The following ACYP2 variants were observed in gnomAD, a reference collection of about 807,000 sequenced individuals.
ACYP2 encodes acylphosphatase 2.
A neutral mutation model predicts 11.2 loss-of-function variants in ACYP2; 12 were observed. The observed-to-expected ratio is 1.08, with a 90% CI of 0.69 to 1.74. The LOEUF (loss-of-function observed/expected upper bound fraction) is 1.74, where lower values mean the gene tolerates loss of function less well. ACYP2 is among the 40% of genes most tolerant of loss of function. The probability of loss-of-function intolerance (pLI) is 0.00; values close to 1 mark genes in which losing one functional copy is unlikely to be tolerated. For missense variants in ACYP2, 134 were observed against 101.9 expected (o/e 1.31, Z -1.35); for synonymous variants, 43 against 32.2 (o/e 1.33, Z -1.13).
intron 4 of ACYP2, among the ~76,000 whole-genome samples, chr2:54,083,060 T>G (rs1677749769): frequency 6.8e-6 from 1 of 147,468 alleles, no homozygotes; most frequent in African/African-American, 2.6e-5. Flanking sequence ...GGCCACAGAG[T>G]GAGACTCTGT....
Position 54,170,288 on chromosome 2 carries a change from G to A in ACYP2, c.404+31540G>A, listed in dbSNP as rs539542079. 2.4e-4 allele frequency among the ~76,000 whole-genome samples: 37 copies of A among 152,234 alleles called. No individual in the cohort carries two copies. In the South Asian group the frequency reaches 4.8e-3, roughly 20 times the overall value. ...CTGCCTCAGCCTCCCGAGTAGCTGG[G>A]ATTACAGGTGTGTGTCACCATGCCT... On this transcript the variant is annotated intron_variant, in intron 6 of 6. Coordinates refer to ENST00000607452, the MANE Select transcript of ACYP2 (RefSeq NM_001320586.2).
intron 6 of ACYP2, among the ~76,000 whole-genome samples, chr2:54,292,739 C>T (rs543028568): frequency 1.3e-5 from 2 of 151,998 alleles, no homozygotes; most frequent in South Asian, 4.2e-4. Context: ...CTCCTTTGAA[C>T]TGGACTTAAC....
intron 2 of ACYP2, among the ~76,000 whole-genome samples, chr2:54,018,478 G>T (rs904060587): frequency 5.3e-4 from 80 of 151,768 alleles, no homozygotes; most frequent in African/African-American, 1.9e-3. Flanking sequence ...TCAATTAATT[G>T]TTGCCAGATG....
intron 2 of ACYP2, among the ~76,000 whole-genome samples, chr2:54,011,083 A>T (rs530899373): frequency 6.6e-6 from 1 of 152,272 alleles, no homozygotes; most frequent in East Asian, 1.9e-4. Flanking sequence ...AGTTGTAACA[A>T]AGTAAAATAA....
chr2:54,044,080 C>G (rs899557058), intron 2 of ACYP2, among the ~76,000 whole-genome samples: 1 of 152,168 alleles, frequency 6.6e-6, no homozygotes, highest in Admixed American at 6.5e-5. Flanking sequence ...GATCTCTCTT[C>G]TAGATCTCCA....
intron 6 of ACYP2, among the ~76,000 whole-genome samples, chr2:54,286,635 T>C (rs186629047): frequency 2.0e-4 from 30 of 152,212 alleles, no homozygotes; most frequent in Middle Eastern, 3.4e-3. Context: ...AACAGATAAC[T>C]TTTCTAGAAT....
chr2:54,256,825 G>GTT (rs1305621506), intron 6 of ACYP2, among the ~76,000 whole-genome samples: 2 of 152,082 alleles, frequency 1.3e-5, no homozygotes, highest in East Asian at 3.9e-4. Flanking sequence ...TGTTTGTTTT[G>GTT]TTTTGTTTTG....
chr2:54,151,343 C>A (rs1682160150), intron 6 of ACYP2, among the ~76,000 whole-genome samples: 1 of 152,174 alleles, frequency 6.6e-6, no homozygotes, highest in Non-Finnish European at 1.5e-5. Context: ...AATAACTTTT[C>A]TCCAGCAGAC....
chr2:54,084,993 T>G (rs2103671584), intron 4 of ACYP2: 1 of 152,264 alleles, frequency 6.6e-6, no homozygotes, highest in African/African-American at 2.4e-5. Context: ...AGGTGAGGCG[T>G]GGGGAATGTT....
chr2:54,173,427 A>G (rs1271799439), intron 6 of ACYP2, among the ~76,000 whole-genome samples: 1 of 152,092 alleles, frequency 6.6e-6, no homozygotes, highest in African/African-American at 2.4e-5. Context: ...AGTTCTTTGT[A>G]GATTCTGGAT....
chr2:54,020,224 A>G (rs1401708480), intron 2 of ACYP2, among the ~76,000 whole-genome samples: 2 of 152,236 alleles, frequency 1.3e-5, no homozygotes, highest in Non-Finnish European at 2.9e-5. Flanking sequence ...GGCGTGAGCC[A>G]CCGTGCCTGG....
At position 54,021,261 on chromosome 2, in the gene ACYP2, A is replaced by T. The variant is rs766943865; in HGVS notation, c.63-29697A>T. 9.2e-5 allele frequency among the ~76,000 whole-genome samples: 14 copies of T among 152,198 alleles called. 1 individual carries two copies. The highest frequency in any genetic ancestry group is 1.8e-4 in the Non-Finnish European group (12 of 68,040). On this transcript the variant is annotated intron_variant, in intron 2 of 6. Coordinates refer to ENST00000607452, the MANE Select transcript of ACYP2 (RefSeq NM_001320586.2). ...AGCAGCTGACCATGGGTGACTCAGGATGGAGCAGGTGACCAGGGGAATAGA... is the reference window on the plus strand; with the variant it reads ...AGCAGCTGACCATGGGTGACTCAGGTTGGAGCAGGTGACCAGGGGAATAGA...
At chr2:54,231,875 G>A (rs150219578) in intron 6 of ACYP2, among the ~76,000 whole-genome samples, 1 of 152,266 alleles carries the variant, frequency 6.6e-6, no homozygotes, top group African/African-American at 2.4e-5. Flanking sequence ...CATATCGGGC[G>A]CTGTACTAAG....
Position 54,103,166 on chromosome 2 carries a change from A to G in ACYP2, c.278-32287A>G, listed in dbSNP as rs561616032. Reference sequence around the variant, plus strand: ...CAGCAAAAGAAAAAATTTATATTACAAGTATCATCAGCTCTCCCACAACCA... The same window carrying G: ...CAGCAAAAGAAAAAATTTATATTACGAGTATCATCAGCTCTCCCACAACCA... On this transcript the variant is annotated intron_variant, in intron 4 of 6. Coordinates refer to ENST00000607452, the MANE Select transcript of ACYP2 (RefSeq NM_001320586.2). Among the ~76,000 whole-genome samples, 3 of 152,306 alleles carry G rather than the reference A, an allele frequency of 2.0e-5. No individual in the cohort carries two copies. In the East Asian group the frequency reaches 5.8e-4, roughly 29 times the overall value.
chr2:54,123,669 G>A (rs201855017), intron 4 of ACYP2, among the ~76,000 whole-genome samples: 1 of 151,880 alleles, frequency 6.6e-6, no homozygotes, highest in East Asian at 1.9e-4. Context: ...AGTGCCTCAG[G>A]GAAGTCAGGG....
chr2:54,148,247 G>A (rs902262269), intron 6 of ACYP2, among the ~76,000 whole-genome samples: 2 of 151,870 alleles, frequency 1.3e-5, no homozygotes, highest in Non-Finnish European at 2.9e-5. Flanking sequence ...GTTTTTTGAT[G>A]CCCTGAAAAA....
Position 54,088,553 on chromosome 2 carries a change from G to T in ACYP2, c.277+31193G>T, listed in dbSNP as rs530509497. On this transcript the variant is annotated intron_variant, in intron 4 of 6. Transcript: ENST00000607452. ...TAACTGGCAAACTGAGCCTGGGGTG[G>T]AGGTGGAGGGAGAGAAGACAACCAC... is the stretch of plus-strand genomic sequence containing the variant. Among the ~76,000 whole-genome samples, 7 of 152,328 alleles carry T rather than the reference G, an allele frequency of 4.6e-5. No homozygotes were observed. The East Asian group carries it at 9.6e-4, about 21-fold the overall frequency.
At chr2:54,140,879 G>A (rs1282311114) in intron 6 of ACYP2, among the ~76,000 whole-genome samples, 1 of 152,118 alleles carries the variant, frequency 6.6e-6, no homozygotes, top group Non-Finnish European at 1.5e-5. Flanking sequence ...AAGTGGCTAT[G>A]TATTTTTAAT....
chr2:54,153,242 C>T (rs774751358), intron 6 of ACYP2, among the ~76,000 whole-genome samples: 5 of 139,280 alleles, frequency 3.6e-5, no homozygotes, highest in African/African-American at 5.5e-5. Flanking sequence ...TTTGCCCCAT[C>T]GTGTGTTCTT....
Sources: allele counts gnomAD v4.1 joint callset (sites outside exome capture counted in the v4.1 genomes callset), GRCh38; gene constraint gnomAD v4.1.1; transcripts MANE v1.5; gene names NCBI Gene and HGNC (gene_info 2026-07-23, HGNC 2026-07-21).